The following GALNTL6 variants were observed in gnomAD, a reference collection of about 807,000 sequenced individuals.
GALNTL6 encodes the protein polypeptide N-acetylgalactosaminyltransferase like 6.
Under a neutral mutation model 73.7 loss-of-function variants are expected in GALNTL6, and 46 were observed. The observed-to-expected ratio is 0.62, with a 90% CI of 0.49 to 0.80. The LOEUF (loss-of-function observed/expected upper bound fraction) is 0.80. GALNTL6 is among the 30% of genes least tolerant of loss of function. GALNTL6 has a pLI of 0.00. For synonymous variants in GALNTL6, 259 were observed against 263.7 expected (o/e 0.98, Z 0.17); for missense variants, 604 against 755.0 (o/e 0.80, Z 2.34).
At chr4:172,309,781 A>T (rs146025472) in intron 3 of GALNTL6, among the ~76,000 whole-genome samples, 1 of 152,246 alleles carries the variant, frequency 6.6e-6, no homozygotes, top group African/African-American at 2.4e-5. Flanking sequence ...AATAAGAAGT[A>T]TAAAAATAAA....
At chr4:172,700,990 C>T (rs1733997364) in intron 5 of GALNTL6, among the ~76,000 whole-genome samples, 1 of 152,042 alleles carries the variant, frequency 6.6e-6, no homozygotes. Flanking sequence ...AGCCTGAGGC[C>T]TCATGGAACG....
At chr4:171,862,050 C>T (rs77414090) in intron 2 of GALNTL6, among the ~76,000 whole-genome samples, 221 of 152,222 alleles carry the variant, frequency 1.5e-3, no homozygotes, top group Admixed American at 8.6e-3. Context: ...ACTAGGTAGA[C>T]ACGAGGTAAA....
intron 5 of GALNTL6, among the ~76,000 whole-genome samples, chr4:172,351,596 A>G (rs1163094938): frequency 6.6e-6 from 1 of 152,114 alleles, no homozygotes; most frequent in Admixed American, 6.6e-5. Flanking sequence ...ATGCATCTGT[A>G]GCTGTGCTGT....
chr4:172,494,013 C>A (rs936546968), intron 5 of GALNTL6, among the ~76,000 whole-genome samples: 2 of 151,974 alleles, frequency 1.3e-5, no homozygotes, highest in Non-Finnish European at 2.9e-5. Flanking sequence ...TTTTTTTAAC[C>A]TATATATTTT....
At chr4:172,754,146 C>T (rs951121468) in intron 5 of GALNTL6, among the ~76,000 whole-genome samples, 2 of 152,028 alleles carry the variant, frequency 1.3e-5, no homozygotes, top group African/African-American at 4.8e-5. Flanking sequence ...CTTCTTATCA[C>T]TCAAACTCCT....
Position 173,003,401 on chromosome 4 carries a change from C to T in GALNTL6, c.1372-5777C>T, listed in dbSNP as rs144781143. Among the ~76,000 whole-genome samples the T allele has an allele frequency of 5.5e-4, 83 of 152,290 alleles. 1 individual carries two copies. The East Asian group carries it at 0.016, about 29-fold the overall frequency. Reference sequence around the variant, plus strand: ...ACAGGCCTGCAATGCTGGGCCAAGGCTTGTTCATCTGCATTCTCCTTCGAC... The same window carrying T: ...ACAGGCCTGCAATGCTGGGCCAAGGTTTGTTCATCTGCATTCTCCTTCGAC... On this transcript the variant is annotated intron_variant, in intron 10 of 12. Coordinates refer to ENST00000506823, the MANE Select transcript of GALNTL6 (RefSeq NM_001034845.3).
chr4:172,531,806 G>A (rs893204293), intron 5 of GALNTL6, among the ~76,000 whole-genome samples: 8 of 152,216 alleles, frequency 5.3e-5, no homozygotes, highest in African/African-American at 1.9e-4. Context: ...CAAGGGTGTG[G>A]AGGGTAAGGC....
chr4:172,383,126 C>T (rs1299094284), intron 5 of GALNTL6, among the ~76,000 whole-genome samples: 1 of 151,962 alleles, frequency 6.6e-6, no homozygotes, highest in African/African-American at 2.4e-5. Flanking sequence ...ATTACATTCT[C>T]ATGTATATTT....
chr4:172,473,056 T>C lies in GALNTL6; in HGVS notation c.553+124367T>C, dbSNP rs375216424. Among the ~76,000 whole-genome samples the C allele has an allele frequency of 3.3e-5, 5 of 152,286 alleles. No individual in the cohort carries two copies. In the South Asian group the frequency reaches 6.2e-4, roughly 19 times the overall value. On this transcript the variant is annotated intron_variant, in intron 5 of 12. Transcript: ENST00000506823. ...TTCCAAAGACATGGAATTAAGCATT[T>C]TCTAAATGCCTGATAATTGCTTCCT...
chr4:172,022,322 G>A (rs1741430057), intron 2 of GALNTL6, among the ~76,000 whole-genome samples: 1 of 151,984 alleles, frequency 6.6e-6, no homozygotes, highest in Non-Finnish European at 1.5e-5. Flanking sequence ...CTTAGTTTAT[G>A]AACTAGAGCC....
intron 2 of GALNTL6, among the ~76,000 whole-genome samples, chr4:171,991,137 A>AT: frequency 6.6e-6 from 1 of 152,286 alleles, no homozygotes; most frequent in South Asian, 2.1e-4. Flanking sequence ...AACAATCAAG[A>AT]TACGTAATTA....
At chr4:172,867,483 G>T (rs1044246232) in intron 7 of GALNTL6, among the ~76,000 whole-genome samples, 7 of 152,176 alleles carry the variant, frequency 4.6e-5, no homozygotes, top group South Asian at 2.1e-4. Flanking sequence ...GTGGCAGGAA[G>T]AAAAATGAGA....
chr4:172,604,319 A>G (rs547955079), intron 5 of GALNTL6, among the ~76,000 whole-genome samples: 5 of 152,284 alleles, frequency 3.3e-5, no homozygotes, highest in African/African-American at 9.6e-5. Flanking sequence ...CTTGTATATG[A>G]CAAAATGAAT....
At chr4:172,382,078 T>C (rs1743303222) in intron 5 of GALNTL6, among the ~76,000 whole-genome samples, 1 of 152,208 alleles carries the variant, frequency 6.6e-6, no homozygotes, top group African/African-American at 2.4e-5. Flanking sequence ...CAAGCAATTC[T>C]CCTGCCTCAG....
At chr4:171,943,253 C>T (rs909756231) in intron 2 of GALNTL6, among the ~76,000 whole-genome samples, 2 of 152,174 alleles carry the variant, frequency 1.3e-5, no homozygotes, top group Admixed American at 1.3e-4. Flanking sequence ...CATGATGCCC[C>T]TCGGGCACCA....
At chr4:171,962,144 C>T (rs1001891717) in intron 2 of GALNTL6, among the ~76,000 whole-genome samples, 17 of 152,116 alleles carry the variant, frequency 1.1e-4, no homozygotes, top group Non-Finnish European at 2.4e-4. Context: ...CCCTATCCAA[C>T]CTGAAGAAGT....
At chr4:172,291,919 A>G (rs1739490874) in intron 3 of GALNTL6, among the ~76,000 whole-genome samples, 1 of 152,182 alleles carries the variant, frequency 6.6e-6, no homozygotes. Context: ...TATATTAAAA[A>G]TAACCATAGT....
chr4:172,453,848 A>G (rs932187025), intron 5 of GALNTL6, among the ~76,000 whole-genome samples: 12 of 152,256 alleles, frequency 7.9e-5, no homozygotes, highest in Non-Finnish European at 1.5e-4. Context: ...AAATAAGTCC[A>G]GAGTACTAAA....
At chr4:172,281,375 G>T (rs930061609) in intron 3 of GALNTL6, among the ~76,000 whole-genome samples, 10 of 151,958 alleles carry the variant, frequency 6.6e-5, no homozygotes, top group African/African-American at 2.4e-4. Flanking sequence ...CATCCTCTGA[G>T]TTTCTTGACT....
Sources: allele counts gnomAD v4.1 joint callset (sites outside exome capture counted in the v4.1 genomes callset), GRCh38; gene constraint gnomAD v4.1.1; transcripts MANE v1.5; gene names NCBI Gene and HGNC (gene_info 2026-07-23, HGNC 2026-07-21).